ZNF385A: variants seen among roughly 807,000 people sequenced by gnomAD.
The protein encoded by ZNF385A is hematopoietic zinc finger protein.
Under a neutral mutation model 32.1 loss-of-function variants are expected in ZNF385A, and 14 were observed. The ratio of observed to expected loss-of-function variants is 0.44; its 90% CI spans 0.29 to 0.68. ZNF385A has a LOEUF of 0.68. Among genes scored for constraint, ZNF385A ranks in the 30% least tolerant of loss-of-function variants. ZNF385A has a pLI of 0.14. For missense variants in ZNF385A, 406 were observed against 478.4 expected, an observed-to-expected ratio of 0.85 and a Z score of 1.41; for synonymous variants, 197 against 202.7, an observed-to-expected ratio of 0.97 and a Z score of 0.24.
Position 54,370,166 on chromosome 12 carries a change from G to T in ZNF385A, c.*90C>A. On this transcript the variant is annotated 3_prime_UTR_variant, in exon 7 of 7. Transcript: ENST00000394313. The surrounding 1 kb of genome is among the most constrained non-coding windows in gnomAD (Gnocchi z 5.5). ...GGGGGGGAAGGAGAGATCATTTAGG[G>T]AGTGCCGGGAGGAGGGGCGGGCTGG... 2.0e-6 allele frequency: 2 copies of T among 991,264 alleles called. No homozygotes were observed. The highest frequency in any genetic ancestry group is 2.1e-5 in the South Asian group (1 of 48,570). 61.4% of individuals were successfully genotyped at this position (991,264 alleles called of 1,614,324 possible).
At chr12:54,388,067 G>GTGTGTGTGTGTA (rs1255303623), upstream of ZNF385A, among the ~76,000 whole-genome samples, 7 of 151,840 alleles carry the variant, frequency 4.6e-5, no homozygotes, top group African/African-American at 1.7e-4. Context: ...GTGTGTGTGT[G>GTGTGTGTGTGTA]TGTGTGTGTG....
chr12:54,387,903 G>A (rs187804455), upstream of ZNF385A, among the ~76,000 whole-genome samples: 450 of 152,246 alleles, frequency 3.0e-3, 5 homozygotes, highest in Non-Finnish European at 3.3e-3. Context: ...GATCTGGAAG[G>A]GGAGGAGGGG....
At position 54,370,653 on chromosome 12, in the gene ZNF385A, C is replaced by T. The variant is rs751123098; in HGVS notation, c.843G>A (p.Lys281=). 7 of 1,605,902 alleles carry T rather than the reference C, an allele frequency of 4.4e-6. No individual in the cohort carries two copies. In the Admixed American group the frequency reaches 1.2e-4, roughly 27 times the overall value. ...CCAGCTCCCCGGCGCCCCTAGACTT[C>T]TTGTGACGGCTCAGTAGTGGGTTGG... ...GKPNPLLSRH[K]KSRGAGELAG... Residue 281 remains lysine, a synonymous_variant, in exon 6 of 7, where the codon AAG becomes AAA. Coordinates refer to ENST00000394313, the MANE Select transcript of ZNF385A (RefSeq NM_015481.3). This position sits in a 1 kb window ranked among gnomAD's most constrained non-coding sequence, Gnocchi z 5.5.
At chr12:54,389,702 T>C (rs1955585702), upstream of ZNF385A, among the ~76,000 whole-genome samples, 2 of 151,882 alleles carry the variant, frequency 1.3e-5, no homozygotes, top group South Asian at 4.2e-4. Context: ...GGAGCCAGGG[T>C]GCAGAGATCA....
At chr12:54,380,120 A>G (rs137894490) in intron 1 of ZNF385A, among the ~76,000 whole-genome samples, 5 of 152,322 alleles carry the variant, frequency 3.3e-5, no homozygotes, top group African/African-American at 1.2e-4. Context: ...CAGTAATTCT[A>G]GAAGAGGTCT....
intron 1 of ZNF385A, among the ~76,000 whole-genome samples, chr12:54,383,243 A>T (rs1955290719): frequency 6.6e-6 from 1 of 152,178 alleles, no homozygotes; most frequent in Non-Finnish European, 1.5e-5. Flanking sequence ...CTCACTGGAG[A>T]CCAGCTTCCT....
intron 3 of ZNF385A, among the ~76,000 whole-genome samples, chr12:54,373,336 C>T (rs192121280): frequency 1.4e-3 from 220 of 152,118 alleles, no homozygotes; most frequent in Non-Finnish European, 2.5e-3. Context: ...GGGGGTGGCT[C>T]ATCATATCTT....
upstream of ZNF385A, among the ~76,000 whole-genome samples, chr12:54,386,423 A>G (rs1955485751): frequency 6.6e-6 from 1 of 152,080 alleles, no homozygotes; most frequent in African/African-American, 2.4e-5. Context: ...AGAGACAGAG[A>G]ACAGAGACAG....
chr12:54,371,112 G>C lies in ZNF385A; in HGVS notation c.605-16C>G. The C allele has an allele frequency of 6.3e-7, 1 of 1,577,228 alleles. No homozygotes were observed. The highest frequency in any genetic ancestry group is 1.2e-5 in the South Asian group (1 of 85,368). The stretch of plus-strand genomic sequence containing the variant: ...TGCTTAGTACCTGGAGCCCAGAGAG[G>C]GCAGGAGGTAAGGGGTGGAAGAAAA... On this transcript the variant is annotated splice_polypyrimidine_tract_variant and intron_variant, in intron 4 of 6. Transcript: ENST00000394313.
chr12:54,373,760 T>C (rs1388616158), intron 3 of ZNF385A, among the ~76,000 whole-genome samples: 1 of 151,332 alleles, frequency 6.6e-6, no homozygotes, highest in Non-Finnish European at 1.5e-5. Context: ...GGACAGACAG[T>C]GGGGACTCTG....
At chr12:54,378,465 T>G (rs184912028) in intron 1 of ZNF385A, among the ~76,000 whole-genome samples, 1 of 151,990 alleles carries the variant, frequency 6.6e-6, no homozygotes, top group Admixed American at 6.5e-5. Flanking sequence ...TGGGGCAAAA[T>G]GAATCAGGAA....
Position 54,370,864 on chromosome 12 carries a change from G to GC in ZNF385A, c.774+62dup. The GC allele has an allele frequency of 6.2e-7, 1 of 1,611,524 alleles. No homozygotes were observed. The highest frequency in any genetic ancestry group is 8.5e-7 in the Non-Finnish European group (1 of 1,178,342). Reference sequence around the variant, plus strand: ...AGAAGGGCCTTTACTCAAGCTCCTTGCTCCCCTTCCCCACTTAGCGGGTGG... The same window carrying GC: ...AGAAGGGCCTTTACTCAAGCTCCTTGCCTCCCCTTCCCCACTTAGCGGGTGG... On this transcript the variant is annotated intron_variant, in intron 5 of 6. Coordinates refer to ENST00000394313, the MANE Select transcript of ZNF385A (RefSeq NM_015481.3). This position sits in a 1 kb window ranked among gnomAD's most constrained non-coding sequence, Gnocchi z 5.5.
chr12:54,371,588 CG>C lies in ZNF385A; in HGVS notation c.488del (p.Pro163ArgfsTer28). 1 of 1,613,674 alleles carries C rather than the reference CG, an allele frequency of 6.2e-7. No homozygotes were observed. The highest frequency in any genetic ancestry group is 8.5e-7 in the Non-Finnish European group (1 of 1,179,804). On this transcript the variant is annotated frameshift_variant, in exon 4 of 7. Coordinates refer to ENST00000394313, the MANE Select transcript of ZNF385A (RefSeq NM_015481.3). LOFTEE classifies it high-confidence loss of function. ...CCTTGCTACCCCCAGGCAAGGAAGC[CG>C]GGGCTGGAGTCCCCCCTTCACCCTT... ...VTKGEGGTPA[P>X]ASLPGGSKEE...
At chr12:54,385,618 CAGA>C (rs901030583), upstream of ZNF385A, 32 of 984,820 alleles carry the variant, frequency 3.2e-5, no homozygotes, top group Non-Finnish European at 3.4e-5. Context: ...TTTACTAGAG[CAGA>C]AGGTCTCCAG....
intron 1 of ZNF385A, among the ~76,000 whole-genome samples, chr12:54,379,894 A>G (rs1238397156): frequency 6.6e-6 from 1 of 152,238 alleles, no homozygotes; most frequent in Non-Finnish European, 1.5e-5. Flanking sequence ...TGTAGGGCCT[A>G]GCAGCCCACT....
At chr12:54,387,549 G>A (rs1955524626), upstream of ZNF385A, among the ~76,000 whole-genome samples, 1 of 152,130 alleles carries the variant, frequency 6.6e-6, no homozygotes, top group Non-Finnish European at 1.5e-5. Flanking sequence ...TATAGGCCAG[G>A]CACTTTACAT....
At chr12:54,373,412 A>G (rs1348967067) in intron 3 of ZNF385A, among the ~76,000 whole-genome samples, 1 of 151,628 alleles carries the variant, frequency 6.6e-6, no homozygotes, top group Non-Finnish European at 1.5e-5. Context: ...GTCACCAGCC[A>G]TGAGGGAAAA....
chr12:54,382,922 T>C (rs1158501609), intron 1 of ZNF385A, among the ~76,000 whole-genome samples: 1 of 152,028 alleles, frequency 6.6e-6, no homozygotes, highest in Non-Finnish European at 1.5e-5. Flanking sequence ...TCCCAGCACT[T>C]GGGAGGCTGA....
intron 1 of ZNF385A, among the ~76,000 whole-genome samples, chr12:54,389,861 C>G (rs940896987): frequency 1.3e-5 from 2 of 151,986 alleles, no homozygotes; most frequent in African/African-American, 2.4e-5. Flanking sequence ...AGGCAGGCAA[C>G]CAGCCATTCA....
Sources: gnomAD v4.1 joint callset for allele counts (sites outside exome capture counted in the v4.1 genomes callset) on GRCh38, gnomAD v4.1.1 for gene constraint, Gnocchi (gnomAD v3.1) non-coding constraint, MANE v1.5 for transcripts, NCBI Gene and HGNC (gene_info 2026-07-23, HGNC 2026-07-21) for gene names.